ADGRG7: variants seen among roughly 807,000 people sequenced by gnomAD.
The protein encoded by ADGRG7 is G-protein coupled receptor 128.
Under a neutral mutation model 88.6 loss-of-function variants are expected in ADGRG7, and 82 were observed. The ratio of observed to expected loss-of-function variants is 0.93; its 90% CI spans 0.77 to 1.11. The LOEUF (loss-of-function observed/expected upper bound fraction) is 1.11. Ranked by LOEUF, ADGRG7 falls within the 50% of genes most tolerant of loss-of-function variation. ADGRG7 has a pLI of 0.00. For missense variants in ADGRG7, 945 were observed against 953.4 expected, an observed-to-expected ratio of 0.99 and a Z score of 0.12; for synonymous variants, 381 against 345.2, an observed-to-expected ratio of 1.10 and a Z score of -1.15.
intron 1 of ADGRG7, among the ~76,000 whole-genome samples, chr3:100,623,568 T>C (rs77042261): frequency 0.011 from 1,728 of 152,292 alleles, 24 homozygotes; most frequent in African/African-American, 0.039. Flanking sequence ...AGTTGCAGGA[T>C]ACAAGTGCAG....
At chr3:100,650,735 T>TCC (rs1242120370) in intron 11 of ADGRG7, among the ~76,000 whole-genome samples, 5 of 152,184 alleles carry the variant, frequency 3.3e-5, no homozygotes, top group Non-Finnish European at 5.9e-5. Context: ...GTGTAAATAA[T>TCC]AGATGACTCG....
chr3:100,681,811 AG>A (rs1222786308), intron 15 of ADGRG7, among the ~76,000 whole-genome samples: 8 of 152,192 alleles, frequency 5.3e-5, no homozygotes, highest in Admixed American at 6.5e-5. Flanking sequence ...TCTCCCTTAA[AG>A]CACTCGCACC....
chr3:100,615,211 G>A (rs1162244067), intron 1 of ADGRG7, among the ~76,000 whole-genome samples: 1 of 152,144 alleles, frequency 6.6e-6, no homozygotes, highest in East Asian at 1.9e-4. Context: ...GAATGAGGGG[G>A]TTGGGTTGAT....
At chr3:100,649,878 A>G (rs1576324905) in intron 11 of ADGRG7, 71 bp downstream of exon 11, 6 of 847,628 alleles carry the variant, frequency 7.1e-6, no homozygotes, top group Non-Finnish European at 9.7e-6. Context: ...GAGAATTCTC[A>G]TGAGTAGTGT....
At chr3:100,659,099 A>G (rs2046227) in intron 13 of ADGRG7, among the ~76,000 whole-genome samples, 75,414 of 151,938 alleles carry the variant, frequency 0.5, 20,518 homozygotes, top group South Asian at 0.74. Context: ...ATGAGGTTAA[A>G]TAACTTTTTC....
chr3:100,667,952 G>A (rs114907642), intron 14 of ADGRG7, among the ~76,000 whole-genome samples: 1 of 152,198 alleles, frequency 6.6e-6, no homozygotes, highest in African/African-American at 2.4e-5. Flanking sequence ...CTGGTTTGTG[G>A]GTTTCAAAGA....
At chr3:100,690,366 T>C (rs553000934) in intron 15 of ADGRG7, among the ~76,000 whole-genome samples, 8 of 152,362 alleles carry the variant, frequency 5.3e-5, no homozygotes, top group Non-Finnish European at 1.0e-4. Flanking sequence ...AGCCTTCTTC[T>C]CTCAACTCGT....
intron 1 of ADGRG7, among the ~76,000 whole-genome samples, chr3:100,626,619 T>C (rs937355728): frequency 1.3e-5 from 2 of 152,132 alleles, no homozygotes; most frequent in African/African-American, 4.8e-5. Context: ...ACCCCATCTC[T>C]ACTACAAATA....
chr3:100,621,808 T>A (rs1220769030), intron 1 of ADGRG7, among the ~76,000 whole-genome samples: 1 of 152,232 alleles, frequency 6.6e-6, no homozygotes, highest in African/African-American at 2.4e-5. Flanking sequence ...CATCTAGGAC[T>A]TTCACAGCTA....
intron 15 of ADGRG7, among the ~76,000 whole-genome samples, chr3:100,685,201 T>A (rs1471344807): frequency 4.6e-5 from 7 of 152,180 alleles, no homozygotes; most frequent in Non-Finnish European, 1.0e-4. Context: ...CTTTTCTAGC[T>A]GACAATTTTT....
chr3:100,638,992 G>A (rs923327799), intron 6 of ADGRG7, among the ~76,000 whole-genome samples: 2 of 149,642 alleles, frequency 1.3e-5, no homozygotes. Flanking sequence ...TATATTCCAG[G>A]TTTTTTTCCC....
Position 100,635,734 on chromosome 3 carries a change from T to C in ADGRG7, c.505T>C (p.Ser169Pro). The change falls in exon 5 of 16, where the codon TCT becomes CCT. Residue 169 changes from serine (S) to proline (P), a missense_variant. Transcript: ENST00000273352. ...TTCTTCTGAAGTCCAGATTTTAACA[T>C]CTGATGCCAATAAATTAACTGCTGA... is the stretch of plus-strand genomic sequence containing the variant. ...NISSEVQILT[S>P]DANKLTAENI... 6.2e-7 allele frequency: 1 copy of C among 1,614,012 alleles called. No individual in the cohort carries two copies. The highest frequency in any genetic ancestry group is 1.3e-5 in the African/African-American group (1 of 75,042).
intron 13 of ADGRG7, among the ~76,000 whole-genome samples, chr3:100,658,351 T>G (rs1405721051): frequency 6.6e-6 from 1 of 152,240 alleles, no homozygotes; most frequent in Non-Finnish European, 1.5e-5. Context: ...CCATTACTTT[T>G]GTACCAACCT....
At chr3:100,690,630 C>T (rs2094991626) in intron 15 of ADGRG7, among the ~76,000 whole-genome samples, 1 of 152,146 alleles carries the variant, frequency 6.6e-6, no homozygotes, top group South Asian at 2.1e-4. Context: ...TGCTGGAGGT[C>T]CACTCCAGAC....
At chr3:100,623,911 T>C (rs1707346923) in intron 1 of ADGRG7, among the ~76,000 whole-genome samples, 2 of 152,214 alleles carry the variant, frequency 1.3e-5, no homozygotes, top group African/African-American at 4.8e-5. Context: ...TAGTATTTCA[T>C]GGTGTATATG....
At position 100,643,605 on chromosome 3, in the gene ADGRG7, G is replaced by A. The variant is rs766186974; in HGVS notation, c.918G>A (p.Glu306=). Residue 306 remains glutamate (E), a synonymous_variant, in exon 8 of 16, where the codon GAG becomes GAA. Transcript: ENST00000273352. The stretch of plus-strand genomic sequence containing the variant: ...GCCTTAACCCAGATGCACAGACTGA[G>A]CTTCAGGTCTTGCTTAATATGACGA... ...VDGLNPDAQT[E]LQVLLNMTKN... is the part of the protein sequence containing the mutation. 4 of 1,613,468 alleles carry A rather than the reference G, an allele frequency of 2.5e-6. No homozygotes were observed. The highest frequency in any genetic ancestry group is 3.4e-6 in the Non-Finnish European group (4 of 1,179,710).
intron 15 of ADGRG7, among the ~76,000 whole-genome samples, chr3:100,688,932 TG>T (rs1361658441): frequency 6.6e-6 from 1 of 152,154 alleles, no homozygotes. Context: ...TGGATAGCCT[TG>T]TTAACTTTCT....
At chr3:100,629,047 C>A (rs776901945) in intron 1 of ADGRG7, among the ~76,000 whole-genome samples, 1 of 152,110 alleles carries the variant, frequency 6.6e-6, no homozygotes, top group East Asian at 1.9e-4. Context: ...ATGTTAAATT[C>A]TTCTCTGTTC....
chr3:100,645,478 C>A (rs1707728032), intron 8 of ADGRG7, among the ~76,000 whole-genome samples: 1 of 152,200 alleles, frequency 6.6e-6, no homozygotes, highest in African/African-American at 2.4e-5. Context: ...CCACTTGTCC[C>A]CTTTGAACAG....
Sources: allele counts gnomAD v4.1 joint callset (sites outside exome capture counted in the v4.1 genomes callset), GRCh38; gene constraint gnomAD v4.1.1; transcripts MANE v1.5; gene names NCBI Gene and HGNC (gene_info 2026-07-23, HGNC 2026-07-21).